CYYR1: variants seen among roughly 807,000 people sequenced by gnomAD.
The protein encoded by CYYR1 is cysteine and tyrosine rich 1.
Under a neutral mutation model 15.2 loss-of-function variants are expected in CYYR1, and 14 were observed. That is an observed-to-expected ratio of 0.92 (90% CI 0.61 to 1.44). The LOEUF is 1.44. Among genes scored for constraint, CYYR1 ranks in the 40% most tolerant of loss-of-function variants. CYYR1 has a pLI of 0.00. For missense variants in CYYR1, 228 were observed against 209.5 expected (o/e 1.09, Z -0.54); for synonymous variants, 80 against 77.4 (o/e 1.03, Z -0.18).
chr21:26,492,152 A>AAT (rs1198333516), intron 2 of CYYR1, among the ~76,000 whole-genome samples: 1 of 152,208 alleles, frequency 6.6e-6, no homozygotes, highest in Non-Finnish European at 1.5e-5. Context: ...TCATAGCATC[A>AAT]ATATCATTGT....
At chr21:26,562,578 AT>A (rs2079391229) in intron 2 of CYYR1, among the ~76,000 whole-genome samples, 1 of 152,124 alleles carries the variant, frequency 6.6e-6, no homozygotes, top group Admixed American at 6.6e-5. Context: ...CAACTGGATC[AT>A]TTCCTTTCTT....
chr21:26,570,306 C>T (rs1401966984), intron 1 of CYYR1, among the ~76,000 whole-genome samples: 1 of 152,102 alleles, frequency 6.6e-6, no homozygotes, highest in African/African-American at 2.4e-5. Context: ...CCCAACTCAC[C>T]CCTGACTCCC....
At chr21:26,495,693 G>A (rs2065390602) in intron 2 of CYYR1, among the ~76,000 whole-genome samples, 1 of 152,224 alleles carries the variant, frequency 6.6e-6, no homozygotes, top group Non-Finnish European at 1.5e-5. Context: ...CCACACGGGT[G>A]AACTGTTGAC....
intron 2 of CYYR1, among the ~76,000 whole-genome samples, chr21:26,542,355 C>T (rs902876908): frequency 6.6e-6 from 1 of 150,866 alleles, no homozygotes; most frequent in African/African-American, 2.4e-5. Flanking sequence ...GGAATGCAAA[C>T]ATCATTTAAA....
chr21:26,492,132 C>T (rs1442436498), intron 2 of CYYR1, among the ~76,000 whole-genome samples: 1 of 152,194 alleles, frequency 6.6e-6, no homozygotes, highest in Admixed American at 6.5e-5. Flanking sequence ...TCACAAGCAA[C>T]CTATTTTCAT....
intron 2 of CYYR1, among the ~76,000 whole-genome samples, chr21:26,563,830 C>T (rs114830404): frequency 0.015 from 2,342 of 152,160 alleles, 72 homozygotes; most frequent in African/African-American, 0.053. Flanking sequence ...CTCTAAAATG[C>T]CCAAATTATA....
intron 2 of CYYR1, among the ~76,000 whole-genome samples, chr21:26,486,757 G>T (rs1021442936): frequency 1.3e-5 from 2 of 151,920 alleles, no homozygotes; most frequent in African/African-American, 4.8e-5. Context: ...CGCTTTTCAT[G>T]AGTAAAAAAA....
chr21:26,497,609 A>G (rs1304102717), intron 2 of CYYR1, among the ~76,000 whole-genome samples: 2 of 152,204 alleles, frequency 1.3e-5, no homozygotes, highest in Non-Finnish European at 2.9e-5. Flanking sequence ...GCTAAGAAAT[A>G]TAATTTGCTC....
At position 26,467,978 on chromosome 21, in the gene CYYR1, G is replaced by A. The variant is rs2830239; in HGVS notation, c.*523C>T. 0.55 allele frequency: 90,201 copies of A among 164,060 alleles called. 25,362 individuals carry two copies. Among genetic ancestry groups the A allele is most frequent in the East Asian group, 0.74 (4,085 of 5,554 alleles). 10.2% of individuals were successfully genotyped at this position (164,060 alleles called of 1,614,324 possible). A position where few individuals can be genotyped will look rare whatever the true frequency, so the allele number is the denominator to read the frequency against. On this transcript the variant is annotated 3_prime_UTR_variant, in exon 4 of 4. Coordinates refer to ENST00000652641, the MANE Select transcript of CYYR1 (RefSeq NM_001320768.2). ...TTCTTGTACTAAAACCAGAGTACCC[G>A]TCCTGTAACTTCCATCAGGACCTCA...
At chr21:26,513,220 C>G (rs1890775919) in intron 2 of CYYR1, among the ~76,000 whole-genome samples, 1 of 152,188 alleles carries the variant, frequency 6.6e-6, no homozygotes, top group Admixed American at 6.5e-5. Context: ...AACACACTTA[C>G]CATATTCTGC....
chr21:26,534,697 C>A (rs1008439011), intron 2 of CYYR1, among the ~76,000 whole-genome samples: 1 of 152,140 alleles, frequency 6.6e-6, no homozygotes, highest in African/African-American at 2.4e-5. Context: ...CCCTCCCTTT[C>A]AGGCTTAGAA....
chr21:26,509,025 A>G (rs2065608838), intron 2 of CYYR1, among the ~76,000 whole-genome samples: 4 of 152,224 alleles, frequency 2.6e-5, no homozygotes, highest in Admixed American at 2.6e-4. Context: ...TTTAGAAAAC[A>G]GTCCTCTAAA....
At chr21:26,503,975 G>T (rs1042218215) in intron 2 of CYYR1, among the ~76,000 whole-genome samples, 1 of 151,860 alleles carries the variant, frequency 6.6e-6, no homozygotes, top group Admixed American at 6.6e-5. Context: ...ATGTATTATC[G>T]TTCTCTGTGG....
chr21:26,524,151 G>A (rs567824179), intron 2 of CYYR1, among the ~76,000 whole-genome samples: 9 of 152,242 alleles, frequency 5.9e-5, no homozygotes, highest in African/African-American at 1.7e-4. Flanking sequence ...TTCATATGCC[G>A]GGGGTTGTTT....
Position 26,549,047 on chromosome 21 carries a change from G to GA in CYYR1, c.176+17218dup, listed in dbSNP as rs922748698. The stretch of plus-strand genomic sequence containing the variant: ...GTTTGAAACAAATGATGCAGTAAAA[G>GA]AAAAAAAAAAAGAAACTACAAGTTT... On this transcript the variant is annotated intron_variant, in intron 2 of 3. Transcript: ENST00000652641. Among the ~76,000 whole-genome samples, 741 of 140,596 alleles carry GA rather than the reference G, an allele frequency of 5.3e-3. 3 individuals carry two copies. The highest frequency in any genetic ancestry group is 0.012 in the African/African-American group (465 of 38,562). The allele number at this position is 140,596 out of a possible 152,430, so 92.2% of individuals were successfully genotyped here.
At chr21:26,560,188 T>C (rs1980102853) in intron 2 of CYYR1, among the ~76,000 whole-genome samples, 1 of 152,226 alleles carries the variant, frequency 6.6e-6, no homozygotes, top group Non-Finnish European at 1.5e-5. Flanking sequence ...TTACTGGATA[T>C]ATTATAGTTT....
chr21:26,545,434 C>A (rs907986303), intron 2 of CYYR1, among the ~76,000 whole-genome samples: 8 of 152,228 alleles, frequency 5.3e-5, no homozygotes, highest in Non-Finnish European at 8.8e-5. Flanking sequence ...TCTTCGTCTT[C>A]TTTTCTCATA....
rs927399786 is a variant in CYYR1 at position 26,468,132 on chromosome 21, A to C, written c.*369T>G. On this transcript the variant is annotated 3_prime_UTR_variant, in exon 4 of 4. Coordinates refer to ENST00000652641, the MANE Select transcript of CYYR1 (RefSeq NM_001320768.2). ...AAAGTTGCTTCCTTGTGTGGGCCAA[A>C]TCATTCTCCCATCCTACTTAGATCT... 3.4e-6 allele frequency: 1 copy of C among 294,494 alleles called. No individual in the cohort carries two copies. The highest frequency in any genetic ancestry group is 2.2e-5 in the African/African-American group (1 of 45,174). The allele number at this position is 294,494 out of a possible 1,614,324, so 18.2% of individuals were successfully genotyped here.
At chr21:26,543,025 A>G (rs1978682835) in intron 2 of CYYR1, among the ~76,000 whole-genome samples, 1 of 152,216 alleles carries the variant, frequency 6.6e-6, no homozygotes, top group Non-Finnish European at 1.5e-5. Context: ...TGTCTGCTAT[A>G]AAAAGATTCA....
Sources: gnomAD v4.1 joint callset for allele counts (sites outside exome capture counted in the v4.1 genomes callset) on GRCh38, gnomAD v4.1.1 for gene constraint, MANE v1.5 for transcripts, NCBI Gene and HGNC (gene_info 2026-07-23, HGNC 2026-07-21) for gene names.